The following ANKS1B variants were observed in gnomAD, a reference collection of about 807,000 sequenced individuals.
ANKS1B encodes the protein ankyrin repeat and sterile alpha motif domain containing 1B, also known as ankyrin repeat and sterile alpha motif domain-containing protein 1B.
In ANKS1B, 36 loss-of-function variants were observed where a neutral mutation model predicts 148.3. The observed-to-expected ratio is 0.24, with a 90% CI of 0.19 to 0.32. The LOEUF (loss-of-function observed/expected upper bound fraction) is 0.32. ANKS1B is among the 10% of genes least tolerant of loss of function. The pLI is 1.00. For synonymous variants in ANKS1B, 542 were observed against 560.8 expected (o/e 0.97, Z 0.47); for missense variants, 1,157 against 1,542.6 (o/e 0.75, Z 4.19).
chr12:99,413,722 C>T (rs117572655), intron 11 of ANKS1B, among the ~76,000 whole-genome samples: 3,728 of 152,188 alleles, frequency 0.024, 70 homozygotes, highest in Non-Finnish European at 0.038. Flanking sequence ...AATATGCATA[C>T]TCATCTTCTA....
chr12:99,207,019 A>T (rs1190278717), intron 14 of ANKS1B, among the ~76,000 whole-genome samples: 2 of 152,168 alleles, frequency 1.3e-5, no homozygotes. Context: ...GATGGTTACG[A>T]CAAGGTCTGT....
intron 15 of ANKS1B, among the ~76,000 whole-genome samples, chr12:99,115,678 C>A (rs534700997): frequency 2.6e-4 from 40 of 152,030 alleles, no homozygotes; most frequent in Non-Finnish European, 5.6e-4. Flanking sequence ...CACCTGTAAT[C>A]CCAGCACTTT....
chr12:99,541,178 A>G (rs1197117345), intron 9 of ANKS1B, among the ~76,000 whole-genome samples: 1 of 152,190 alleles, frequency 6.6e-6, no homozygotes, highest in Admixed American at 6.6e-5. Flanking sequence ...AAGGTGAATT[A>G]AACCAAACAT....
intron 17 of ANKS1B, among the ~76,000 whole-genome samples, chr12:98,890,492 A>G (rs1228687952): frequency 6.6e-6 from 1 of 152,226 alleles, no homozygotes; most frequent in Admixed American, 6.5e-5. Flanking sequence ...TCATGAAGAT[A>G]AAGAGAACTG....
intron 15 of ANKS1B, among the ~76,000 whole-genome samples, chr12:99,131,135 TG>T (rs2065970918): frequency 6.6e-6 from 1 of 152,210 alleles, no homozygotes; most frequent in South Asian, 2.1e-4. Flanking sequence ...TACTCGTCTT[TG>T]CTTTATTCTT....
At chr12:98,750,742 G>T (rs1392695829) in intron 26 of ANKS1B, among the ~76,000 whole-genome samples, 1 of 152,236 alleles carries the variant, frequency 6.6e-6, no homozygotes, top group Non-Finnish European at 1.5e-5. Flanking sequence ...CAGGATGTCT[G>T]CAGAGCCTGT....
chr12:99,432,964 T>C (rs982161449), intron 11 of ANKS1B, among the ~76,000 whole-genome samples: 34 of 152,202 alleles, frequency 2.2e-4, no homozygotes, highest in African/African-American at 7.7e-4. Flanking sequence ...GGGAAGACAT[T>C]GGAAGGTTGA....
intron 1 of ANKS1B, among the ~76,000 whole-genome samples, chr12:99,952,193 T>C (rs1466503887): frequency 6.6e-6 from 1 of 152,150 alleles, no homozygotes; most frequent in African/African-American, 2.4e-5. Context: ...GGAGGGCACC[T>C]GCAAAAGGCT....
chr12:99,147,686 G>A (rs1321510275), intron 15 of ANKS1B, among the ~76,000 whole-genome samples: 1 of 152,052 alleles, frequency 6.6e-6, no homozygotes, highest in Non-Finnish European at 1.5e-5. Context: ...GGTAGAAAGA[G>A]GTGAAACATG....
intron 15 of ANKS1B, among the ~76,000 whole-genome samples, chr12:99,086,770 A>G (rs2372642): frequency 0.55 from 83,566 of 152,082 alleles, 24,252 homozygotes; most frequent in East Asian, 0.74. Context: ...GCGTCTATAG[A>G]GGTTCAAGAA....
At chr12:99,817,434 C>T (rs1028866591) in intron 2 of ANKS1B, among the ~76,000 whole-genome samples, 1 of 151,558 alleles carries the variant, frequency 6.6e-6, no homozygotes, top group African/African-American at 2.4e-5. Context: ...AGGTTGATCC[C>T]ATATCTTAGC....
intron 17 of ANKS1B, among the ~76,000 whole-genome samples, chr12:98,905,920 A>G (rs1170593757): frequency 6.6e-6 from 1 of 152,202 alleles, no homozygotes; most frequent in Non-Finnish European, 1.5e-5. Context: ...GATAAGGTCT[A>G]TGGTGCAGTG....
At chr12:99,679,507 A>G (rs1414388338) in intron 8 of ANKS1B, among the ~76,000 whole-genome samples, 2 of 151,818 alleles carry the variant, frequency 1.3e-5, no homozygotes, top group African/African-American at 4.8e-5. Context: ...ATAGGGTTTC[A>G]CTATGTTGCC....
intron 4 of ANKS1B, among the ~76,000 whole-genome samples, chr12:99,786,364 C>T (rs1441648489): frequency 6.6e-6 from 1 of 152,094 alleles, no homozygotes; most frequent in African/African-American, 2.4e-5. Flanking sequence ...AGTGCCTGGA[C>T]TTTAACCAGC....
intron 9 of ANKS1B, among the ~76,000 whole-genome samples, chr12:99,506,639 G>T (rs761229905): frequency 2.0e-5 from 3 of 151,880 alleles, no homozygotes; most frequent in Non-Finnish European, 2.9e-5. Context: ...TCCCACAAAG[G>T]GGGGATGGAG....
chr12:99,005,216 A>T (rs2153384766), intron 17 of ANKS1B, among the ~76,000 whole-genome samples: 1 of 152,348 alleles, frequency 6.6e-6, no homozygotes, highest in Non-Finnish European at 1.5e-5. Flanking sequence ...GCGGGAGCGT[A>T]GCTGTGATGG....
At chr12:99,169,314 G>A (rs1016539403) in intron 14 of ANKS1B, among the ~76,000 whole-genome samples, 1 of 152,104 alleles carries the variant, frequency 6.6e-6, no homozygotes, top group African/African-American at 2.4e-5. Flanking sequence ...GTGTTACTTG[G>A]TAAAACTCTG....
intron 9 of ANKS1B, among the ~76,000 whole-genome samples, chr12:98,737,155 C>T (rs2097777709): frequency 1.3e-5 from 2 of 152,176 alleles, no homozygotes; most frequent in Admixed American, 6.5e-5. Flanking sequence ...TGGCAACAGC[C>T]CCAGCTGCCA....
intron 1 of ANKS1B, among the ~76,000 whole-genome samples, chr12:99,933,683 A>C (rs2094684666): frequency 6.6e-6 from 1 of 152,122 alleles, no homozygotes; most frequent in Non-Finnish European, 1.5e-5. Flanking sequence ...TATCATCTGC[A>C]AACAAGGATA....
Sources: gnomAD v4.1 joint callset for allele counts (sites outside exome capture counted in the v4.1 genomes callset) on GRCh38, gnomAD v4.1.1 for gene constraint, MANE v1.5 for transcripts, NCBI Gene and HGNC (gene_info 2026-07-23, HGNC 2026-07-21) for gene names.